The following TOM1L2 variants were observed in gnomAD, a reference collection of about 807,000 sequenced individuals.
TOM1L2 encodes target of myb1 like 2 membrane trafficking protein, also known as TOM1-like protein 2.
TOM1L2 carries 31 observed loss-of-function variants against 67.9 expected under a neutral mutation model. The ratio of observed to expected loss-of-function variants is 0.46; its 90% confidence interval spans 0.34 to 0.62. The LOEUF (loss-of-function observed/expected upper bound fraction) is 0.62. TOM1L2 is among the 20% of genes least tolerant of loss of function. The probability of loss-of-function intolerance (pLI) is 0.01; values close to 1 mark genes in which losing one functional copy is unlikely to be tolerated. For missense variants in TOM1L2, 606 were observed against 663.5 expected (o/e 0.91, Z 0.95); for synonymous variants, 256 against 254.0 (o/e 1.01, Z -0.07).
intron 1 of TOM1L2, among the ~76,000 whole-genome samples, chr17:17,912,250 A>C (rs1598321736): frequency 1.4e-5 from 2 of 145,586 alleles, no homozygotes; most frequent in African/African-American, 5.2e-5. Context: ...GGCGCCCCTC[A>C]CCTCCCGGAC....
chr17:17,866,360 C>G lies in TOM1L2; in HGVS notation c.1020G>C (p.Val340=), dbSNP rs765841228. 1 of 1,610,560 alleles carries G rather than the reference C, an allele frequency of 6.2e-7. No individual in the cohort carries two copies. The highest frequency in any genetic ancestry group is 8.5e-7 in the Non-Finnish European group (1 of 1,178,368). Residue 340 remains valine (V), a synonymous_variant, in exon 10 of 15, where the codon GTG becomes GTC. Transcript: ENST00000379504. ...LIDLGPGSPA[V]VSPMVGNTAP... is the part of the protein sequence containing the mutation. ...CTGTGTTCCCCACCATTGGGCTCAC[C>G]ACGGCTGGAGACCCTGGCCCCAGGT...
intron 1 of TOM1L2, among the ~76,000 whole-genome samples, chr17:17,933,779 T>C (rs1337363783): frequency 2.0e-5 from 3 of 152,216 alleles, no homozygotes; most frequent in Admixed American, 6.5e-5. Flanking sequence ...CAACTCAAGT[T>C]TGCCTAAATG....
intron 12 of TOM1L2, among the ~76,000 whole-genome samples, chr17:17,852,202 A>C (rs2036015289): frequency 6.6e-6 from 1 of 152,236 alleles, no homozygotes; most frequent in African/African-American, 2.4e-5. Flanking sequence ...TGCATACCCC[A>C]GTGTCTATCA....
chr17:17,925,352 T>C (rs538150644), intron 1 of TOM1L2, among the ~76,000 whole-genome samples: 1 of 152,226 alleles, frequency 6.6e-6, no homozygotes, highest in East Asian at 1.9e-4. Flanking sequence ...GGATAATGCC[T>C]GGAAGATAAA....
At chr17:17,893,568 T>G (rs2038401311) in intron 4 of TOM1L2, 93 bp downstream of exon 4, 8 of 1,211,700 alleles carry the variant, frequency 6.6e-6, no homozygotes, top group Non-Finnish European at 9.1e-6. Flanking sequence ...TCCATTTTTT[T>G]TTTCCTCCAA....
In TOM1L2 at chr17:17,916,369, G is replaced by A. The variant is rs1268823663; in HGVS notation, c.53-8838C>T. The stretch of plus-strand genomic sequence containing the variant: ...ATTACAGGCATGAATCACCGCGCCC[G>A]GCCTATTTTAAGATTTTTATAGTTT... On this transcript the variant is annotated intron_variant, in intron 1 of 14. Coordinates refer to ENST00000379504, the MANE Select transcript of TOM1L2 (RefSeq NM_001082968.2). 4.6e-5 allele frequency among the ~76,000 whole-genome samples: 7 copies of A among 152,108 alleles called. No homozygotes were observed. In the East Asian group the frequency reaches 5.8e-4, roughly 13 times the overall value.
rs28642968 is a variant in TOM1L2 at position 17,911,657 on chromosome 17, T to A, written c.53-4126A>T. ...TTAGCTGGAAATTCTTTTTTTTTTT[T>A]AATTTTTTTATTTTTTATTGATCAT... On this transcript the variant is annotated intron_variant, in intron 1 of 14. Coordinates refer to ENST00000379504, the MANE Select transcript of TOM1L2 (RefSeq NM_001082968.2). Among the ~76,000 whole-genome samples the A allele has an allele frequency of 4.1e-4, 62 of 152,170 alleles. 1 individual carries two copies. The highest frequency in any genetic ancestry group is 7.6e-4 in the Non-Finnish European group (52 of 67,996).
Position 17,936,055 on chromosome 17 carries a change from A to G in TOM1L2, c.53-28524T>C, listed in dbSNP as rs562631672. On this transcript the variant is annotated intron_variant, in intron 1 of 14. Transcript: ENST00000379504. ...ATTTATAGCTCCTTTACGGTTTCCC[A>G]CTGCTGTTAGGACAAAGTCTACATT... Among the ~76,000 whole-genome samples the G allele has an allele frequency of 3.3e-5, 5 of 152,266 alleles. No individual in the cohort carries two copies. In the South Asian group the frequency reaches 1.0e-3, roughly 32 times the overall value.
chr17:17,898,522 C>T (rs745418480), intron 3 of TOM1L2, 74 bp downstream of exon 3: 57 of 1,494,504 alleles, frequency 3.8e-5, no homozygotes, highest in Admixed American at 1.7e-4. Context: ...AGAGGGAAGG[C>T]CCTGTGAGGG....
At chr17:17,943,448 C>A (rs931184745) in intron 1 of TOM1L2, among the ~76,000 whole-genome samples, 4 of 152,080 alleles carry the variant, frequency 2.6e-5, no homozygotes, top group Admixed American at 6.6e-5. Flanking sequence ...CAGAAAAGGC[C>A]TCAGCAAGGT....
chr17:17,898,479 C>A (rs996173032), intron 3 of TOM1L2, 117 bp downstream of exon 3: 4 of 1,050,612 alleles, frequency 3.8e-6, no homozygotes, highest in Non-Finnish European at 5.9e-6. Context: ...GTGGCCCAGG[C>A]ACCAAGCCAT....
At chr17:17,951,786 C>A (rs1281591235) in intron 1 of TOM1L2, among the ~76,000 whole-genome samples, 2 of 152,160 alleles carry the variant, frequency 1.3e-5, no homozygotes, top group African/African-American at 4.8e-5. Flanking sequence ...CAACTTTCAT[C>A]CACACATCTT....
chr17:17,853,507 T>C (rs2036104184), intron 12 of TOM1L2, among the ~76,000 whole-genome samples: 1 of 152,202 alleles, frequency 6.6e-6, no homozygotes. Flanking sequence ...GCCAACATGC[T>C]CAGAAAATAA....
intron 3 of TOM1L2, among the ~76,000 whole-genome samples, chr17:17,897,173 T>C (rs1189284595): frequency 6.6e-6 from 1 of 152,240 alleles, no homozygotes; most frequent in Non-Finnish European, 1.5e-5. Flanking sequence ...TAAAATTCCC[T>C]GATATATTAG....
intron 2 of TOM1L2, among the ~76,000 whole-genome samples, chr17:17,901,462 A>G (rs1358071638): frequency 6.6e-6 from 1 of 152,174 alleles, no homozygotes; most frequent in Non-Finnish European, 1.5e-5. Context: ...AGGCTCCTCA[A>G]AGTCTCCCTG....
At chr17:17,873,200 A>C (rs1185799070) in intron 7 of TOM1L2, among the ~76,000 whole-genome samples, 1 of 152,214 alleles carries the variant, frequency 6.6e-6, no homozygotes, top group African/African-American at 2.4e-5. Context: ...ATTTTGTCAT[A>C]AAAATTTTCA....
chr17:17,864,686 A>AT (rs1180199568), intron 10 of TOM1L2, among the ~76,000 whole-genome samples: 1 of 151,742 alleles, frequency 6.6e-6, no homozygotes. Context: ...TGATTTTTGT[A>AT]TTTTTAGTAG....
At chr17:17,874,231 G>A (rs2143923031) in intron 7 of TOM1L2, among the ~76,000 whole-genome samples, 1 of 152,180 alleles carries the variant, frequency 6.6e-6, no homozygotes, top group South Asian at 2.1e-4. Flanking sequence ...TGGGATTACA[G>A]GCGTGAGCCA....
At chr17:17,955,240 C>T (rs996765971) in intron 1 of TOM1L2, among the ~76,000 whole-genome samples, 1 of 150,928 alleles carries the variant, frequency 6.6e-6, no homozygotes, top group African/African-American at 2.4e-5. Flanking sequence ...ACTCAGCAGA[C>T]AATATGGTGG....
Sources: allele counts gnomAD v4.1 joint callset (sites outside exome capture counted in the v4.1 genomes callset), GRCh38; gene constraint gnomAD v4.1.1; transcripts MANE v1.5; gene names NCBI Gene and HGNC (gene_info 2026-07-23, HGNC 2026-07-21).